Variants in LRBA observed in about 807,000 individuals in gnomAD.
The protein encoded by LRBA is lipopolysaccharide-responsive and beige-like anchor protein.
A neutral mutation model predicts 330.0 loss-of-function variants in LRBA; 176 were observed. The ratio of observed to expected loss-of-function variants is 0.53; its 90% CI spans 0.47 to 0.60. LRBA has a LOEUF of 0.60. LRBA is among the 20% of genes least tolerant of loss of function. The pLI is 0.00. For missense variants in LRBA, 3,259 were observed against 3,444.8 expected (o/e 0.95, Z 1.35); for synonymous variants, 1,230 against 1,193.0 (o/e 1.03, Z -0.64).
At chr4:150,362,888 A>G (rs2151846442) in intron 47 of LRBA, among the ~76,000 whole-genome samples, 2 of 152,154 alleles carry the variant, frequency 1.3e-5, no homozygotes, top group Admixed American at 6.5e-5. Flanking sequence ...GATCACTTGA[A>G]CCCAGCAGCT....
chr4:150,464,530 C>T (rs1486096196), intron 44 of LRBA, among the ~76,000 whole-genome samples: 2 of 151,936 alleles, frequency 1.3e-5, no homozygotes, highest in South Asian at 2.1e-4. Flanking sequence ...AATATGATAC[C>T]GAGGTGTAAG....
chr4:150,279,129 T>C (rs1747185751), intron 55 of LRBA, among the ~76,000 whole-genome samples: 1 of 152,204 alleles, frequency 6.6e-6, no homozygotes, highest in African/African-American at 2.4e-5. Flanking sequence ...TGGCCTTCCA[T>C]AAATAAGGTT....
intron 40 of LRBA, among the ~76,000 whole-genome samples, chr4:150,537,251 T>G (rs1764758322): frequency 6.6e-6 from 1 of 152,184 alleles, no homozygotes; most frequent in Non-Finnish European, 1.5e-5. Context: ...TAATAAATAG[T>G]GCCGGTATAA....
chr4:150,566,198 G>C (rs1164927133), intron 40 of LRBA, among the ~76,000 whole-genome samples: 1 of 152,094 alleles, frequency 6.6e-6, no homozygotes, highest in Non-Finnish European at 1.5e-5. Flanking sequence ...TCCAGCCTGA[G>C]AGACAGAGTA....
At chr4:150,859,362 T>C (rs945339039) in intron 22 of LRBA, among the ~76,000 whole-genome samples, 3 of 152,156 alleles carry the variant, frequency 2.0e-5, no homozygotes. Flanking sequence ...TAATTCAGAA[T>C]AGTTTAAATG....
chr4:150,624,570 C>A (rs1017167086), intron 37 of LRBA, among the ~76,000 whole-genome samples: 3 of 152,064 alleles, frequency 2.0e-5, no homozygotes, highest in African/African-American at 7.2e-5. Flanking sequence ...CTACCATAAT[C>A]TTGAACAACA....
chr4:150,672,547 A>C (rs573876467), intron 37 of LRBA, among the ~76,000 whole-genome samples: 2 of 152,092 alleles, frequency 1.3e-5, no homozygotes, highest in Admixed American at 6.5e-5. Context: ...TTAGTATTCT[A>C]AAGTTATTAT....
chr4:150,982,895 A>C (rs1396196077), intron 2 of LRBA, among the ~76,000 whole-genome samples: 1 of 152,214 alleles, frequency 6.6e-6, no homozygotes, highest in Non-Finnish European at 1.5e-5. Flanking sequence ...ATTTACACAA[A>C]AGGTGCAGAA....
chr4:150,377,440 A>G (rs1024364462), intron 47 of LRBA, among the ~76,000 whole-genome samples: 5 of 152,226 alleles, frequency 3.3e-5, no homozygotes, highest in African/African-American at 1.2e-4. Flanking sequence ...TGCAGTAAAC[A>G]TGTCTACCAA....
intron 40 of LRBA, among the ~76,000 whole-genome samples, chr4:150,500,217 C>CATAACA (rs1760087630): frequency 6.6e-6 from 1 of 151,458 alleles, no homozygotes; most frequent in Admixed American, 6.6e-5. Context: ...CCCATGAATA[C>CATAACA]GTACAACTGT....
chr4:150,670,340 C>T (rs1393701388), intron 37 of LRBA, among the ~76,000 whole-genome samples: 1 of 152,150 alleles, frequency 6.6e-6, no homozygotes, highest in Non-Finnish European at 1.5e-5. Flanking sequence ...AATATTTATT[C>T]TATGGGTTTT....
chr4:150,880,962 AG>A (rs1053138379), intron 17 of LRBA, among the ~76,000 whole-genome samples: 138 of 152,346 alleles, frequency 9.1e-4, no homozygotes, highest in African/African-American at 3.0e-3. Flanking sequence ...GCTAATCATC[AG>A]CAAAATGCAA....
intron 35 of LRBA, 130 bp from the exon 36 acceptor site, chr4:150,735,496 T>C (rs1478532559): frequency 4.5e-6 from 3 of 665,470 alleles, no homozygotes; most frequent in Non-Finnish European, 5.3e-6. Flanking sequence ...TGAGGTACCA[T>C]TATTTCATGC....
chr4:150,600,929 T>C (rs1774047219), intron 37 of LRBA, among the ~76,000 whole-genome samples: 1 of 152,180 alleles, frequency 6.6e-6, no homozygotes, highest in Non-Finnish European at 1.5e-5. Context: ...GTTAAAATTA[T>C]TATCAAATAT....
At chr4:150,425,590 TTTA>T (rs1486678709) in intron 46 of LRBA, among the ~76,000 whole-genome samples, 1 of 152,208 alleles carries the variant, frequency 6.6e-6, no homozygotes, top group African/African-American at 2.4e-5. Context: ...TTTAGTTTTC[TTTA>T]TTAAGGTATA....
In LRBA at chr4:150,754,625, C is replaced by T. The variant is rs116007005; in HGVS notation, c.5645+7158G>A. On this transcript the variant is annotated intron_variant, in intron 35 of 56. Coordinates refer to ENST00000651943, the MANE Select transcript of LRBA (RefSeq NM_001364905.1). ...CCCTAAAAATAGCATCATTTCCAAACAACTGTTTACAAGATGTAATTAAGC... is the reference window on the plus strand; with the variant it reads ...CCCTAAAAATAGCATCATTTCCAAATAACTGTTTACAAGATGTAATTAAGC... Among the ~76,000 whole-genome samples, 1,378 of 149,710 alleles carry T rather than the reference C, an allele frequency of 9.2e-3. 14 individuals are homozygous for T. The highest frequency in any genetic ancestry group is 0.014 in the Non-Finnish European group (973 of 67,474).
chr4:150,524,906 C>T (rs4696185), intron 40 of LRBA, among the ~76,000 whole-genome samples: 32,499 of 152,092 alleles, frequency 0.21, 4,352 homozygotes, highest in Non-Finnish European at 0.3. Flanking sequence ...CTCTTAGCTT[C>T]TTCCCATCTC....
chr4:150,574,492 T>C (rs571395966), intron 40 of LRBA, among the ~76,000 whole-genome samples: 1 of 151,928 alleles, frequency 6.6e-6, no homozygotes, highest in South Asian at 2.1e-4. Flanking sequence ...ATTGAGAAAA[T>C]AATGGATAAA....
intron 2 of LRBA, among the ~76,000 whole-genome samples, chr4:150,946,179 T>C (rs755268757): frequency 1.5e-4 from 23 of 152,242 alleles, no homozygotes; most frequent in Non-Finnish European, 3.1e-4. Context: ...CTACTAATTT[T>C]ATCTTACAAA....
Sources: gnomAD v4.1 joint callset for allele counts (sites outside exome capture counted in the v4.1 genomes callset) on GRCh38, gnomAD v4.1.1 for gene constraint, MANE v1.5 for transcripts, NCBI Gene and HGNC (gene_info 2026-07-23, HGNC 2026-07-21) for gene names.